PCDH11X: variants seen among roughly 807,000 people sequenced by gnomAD.
PCDH11X encodes protocadherin-11 X-linked.
In PCDH11X, 18 loss-of-function variants were observed where a neutral mutation model predicts 53.3. The observed-to-expected ratio is 0.34, with a 90% CI of 0.23 to 0.50. The LOEUF is 0.50. Ranked by LOEUF, PCDH11X falls within the 20% of genes least tolerant of loss-of-function variation. The probability of loss-of-function intolerance (pLI) is 0.98; values close to 1 mark genes in which losing one functional copy is unlikely to be tolerated. For synonymous variants in PCDH11X, 279 were observed against 393.3 expected (o/e 0.71, Z 3.44); for missense variants, 570 against 1,032.4 (o/e 0.55, Z 6.14).
intron 6 of PCDH11X, among the ~76,000 whole-genome samples, chrX:92,148,805 C>A (rs1184657357): frequency 9.3e-6 from 1 of 107,879 alleles, no homozygotes; most frequent in African/African-American, 3.4e-5. Flanking sequence ...CACACACACA[C>A]ACATAAATGT....
chrX:91,882,541 C>A (rs1251054382), intron 6 of PCDH11X, among the ~76,000 whole-genome samples: 1 of 110,515 alleles, frequency 9.0e-6, no homozygotes, highest in East Asian at 2.8e-4. Context: ...CTGTCTAAGA[C>A]AAGTATTTGG....
At chrX:92,572,885 AAAAT>A (rs751923697) in intron 10 of PCDH11X, among the ~76,000 whole-genome samples, 1 of 107,437 alleles carries the variant, frequency 9.3e-6, no homozygotes. Context: ...CTCCATCTCA[AAAAT>A]AAATAAATAA....
chrX:91,874,441 A>G (rs1939488365), intron 5 of PCDH11X, among the ~76,000 whole-genome samples: 1 of 111,759 alleles, frequency 8.9e-6, no homozygotes, highest in African/African-American at 3.2e-5. Flanking sequence ...GTAAAATAGG[A>G]ATAGAATGCT....
At chrX:92,520,003 TAA>T (rs2074339743) in intron 10 of PCDH11X, among the ~76,000 whole-genome samples, 1 of 106,622 alleles carries the variant, frequency 9.4e-6, no homozygotes, top group Non-Finnish European at 1.9e-5. Flanking sequence ...TCTAATTACA[TAA>T]GAGAGGAGAT....
intron 10 of PCDH11X, among the ~76,000 whole-genome samples, chrX:92,575,978 GTATA>G (rs1173562560): frequency 0.055 from 1,014 of 18,336 alleles, 45 homozygotes; most frequent in Middle Eastern, 0.11. Flanking sequence ...CACCTGGGGT[GTATA>G]TATATATATA....
intron 6 of PCDH11X, among the ~76,000 whole-genome samples, chrX:92,167,000 C>T (rs1346893824): frequency 1.8e-5 from 2 of 109,750 alleles, no homozygotes; most frequent in Non-Finnish European, 3.8e-5. Flanking sequence ...TCCTTTATCA[C>T]GTTGGCAACT....
intron 9 of PCDH11X, among the ~76,000 whole-genome samples, chrX:92,434,011 A>T (rs1179230182): frequency 1.8e-5 from 2 of 110,429 alleles, no homozygotes; most frequent in Non-Finnish European, 3.8e-5. Context: ...TCCAAGGGGG[A>T]TTATTACAAT....
intron 8 of PCDH11X, among the ~76,000 whole-genome samples, chrX:92,369,253 C>T (rs767218717): frequency 1.0e-4 from 11 of 109,236 alleles, no homozygotes; most frequent in East Asian, 5.7e-4. Context: ...TGGCCACAGC[C>T]GCTTTGCTGC....
At chrX:92,429,584 G>A (rs908733337) in intron 9 of PCDH11X, among the ~76,000 whole-genome samples, 51 of 105,065 alleles carry the variant, frequency 4.9e-4, no homozygotes, top group African/African-American at 1.7e-3. Context: ...AGTATGCTGT[G>A]CCTTATGAGG....
At chrX:92,386,284 G>A (rs2071009964) in intron 8 of PCDH11X, among the ~76,000 whole-genome samples, 1 of 111,270 alleles carries the variant, frequency 9.0e-6, no homozygotes, top group Non-Finnish European at 1.9e-5. Context: ...CTGAAGAAAT[G>A]GCTGACTGTT....
chrX:92,059,046 G>T (rs2063490022), intron 6 of PCDH11X, among the ~76,000 whole-genome samples: 1 of 107,777 alleles, frequency 9.3e-6, no homozygotes, highest in African/African-American at 3.4e-5. Context: ...TTAAACTGAA[G>T]CTTGTGATAT....
intron 6 of PCDH11X, among the ~76,000 whole-genome samples, chrX:92,135,706 A>G (rs2065070582): frequency 9.1e-6 from 1 of 109,823 alleles, no homozygotes; most frequent in Admixed American, 9.9e-5. Flanking sequence ...AGTACCCTGT[A>G]GCTCTGACTT....
Position 91,835,457 on chromosome X carries a change from T to A in PCDH11X, c.-44-4T>A, listed in dbSNP as rs1243319297. On this transcript the variant is annotated splice_region_variant and splice_polypyrimidine_tract_variant and intron_variant, in intron 4 of 10. Coordinates refer to ENST00000682573, the MANE Select transcript of PCDH11X (RefSeq NM_032968.5). ...TCTTCTCTCTCTCCTCTTCTTTTGG[T>A]CAGTGTTGTGCGGGTTAATACAACA... 4.1e-6 allele frequency: 5 copies of A among 1,208,445 alleles called. No homozygotes were observed. The highest frequency in any genetic ancestry group is 5.6e-6 in the Non-Finnish European group (5 of 894,934).
chrX:92,293,574 G>A (rs1355690569), intron 8 of PCDH11X, among the ~76,000 whole-genome samples: 3 of 103,718 alleles, frequency 2.9e-5, no homozygotes, highest in Non-Finnish European at 5.8e-5. Flanking sequence ...AGTAAGCCGA[G>A]ATCGCGCCAC....
intron 4 of PCDH11X, among the ~76,000 whole-genome samples, chrX:91,829,777 T>C (rs1306994233): frequency 5.4e-5 from 6 of 111,525 alleles, no homozygotes; most frequent in Non-Finnish European, 9.4e-5. Flanking sequence ...CCTACAGATA[T>C]GTATATATAT....
chrX:92,376,940 A>G (rs1184791795), intron 8 of PCDH11X, among the ~76,000 whole-genome samples: 1 of 111,713 alleles, frequency 9.0e-6, no homozygotes, highest in Non-Finnish European at 1.9e-5. Context: ...CATGATCAAA[A>G]TATTTTTTAA....
chrX:91,780,051 C>CG (rs1935076280), intron 1 of PCDH11X, among the ~76,000 whole-genome samples: 1 of 112,185 alleles, frequency 8.9e-6, no homozygotes, highest in Non-Finnish European at 1.9e-5. Context: ...GAGGGAAACT[C>CG]TAAGATTGGG....
chrX:92,331,304 TTCTTCTTCTTCTTCC>T (rs1469864626), intron 8 of PCDH11X, among the ~76,000 whole-genome samples: 3 of 92,132 alleles, frequency 3.3e-5, no homozygotes, highest in Non-Finnish European at 6.3e-5. Context: ...CTTCTTCTTC[TTCTTCTTCTTCTTCC>T]TCTTCTTCTT....
intron 8 of PCDH11X, among the ~76,000 whole-genome samples, chrX:92,362,299 T>C (rs2070365143): frequency 1.1e-5 from 1 of 94,725 alleles, no homozygotes; most frequent in Non-Finnish European, 2.1e-5. Context: ...TCAACATTTG[T>C]TATTTTATGT....
Sources: allele counts gnomAD v4.1 joint callset (sites outside exome capture counted in the v4.1 genomes callset), GRCh38; gene constraint gnomAD v4.1.1; transcripts MANE v1.5; gene names NCBI Gene and HGNC (gene_info 2026-07-23, HGNC 2026-07-21).